The following SMOC1 variants were observed in gnomAD, a reference collection of about 807,000 sequenced individuals.
The protein encoded by SMOC1 is SPARC-related modular calcium-binding protein 1.
SMOC1 carries 22 observed loss-of-function variants against 56.3 expected under a neutral mutation model. That is an observed-to-expected ratio of 0.39 (90% CI 0.28 to 0.56). The LOEUF (loss-of-function observed/expected upper bound fraction) is 0.56, where lower values mean the gene tolerates loss of function less well. SMOC1 is among the 20% of genes least tolerant of loss of function. The pLI is 0.61. For missense variants in SMOC1, 509 were observed against 565.4 expected (o/e 0.90, Z 1.01); for synonymous variants, 193 against 215.0 (o/e 0.90, Z 0.89).
At chr14:70,022,589 C>T (rs1216784671) in intron 10 of SMOC1, among the ~76,000 whole-genome samples, 1 of 152,252 alleles carries the variant, frequency 6.6e-6, no homozygotes, top group Non-Finnish European at 1.5e-5. Flanking sequence ...TTTCTTCTCT[C>T]AATTCCCACT....
intron 1 of SMOC1, among the ~76,000 whole-genome samples, chr14:69,944,082 G>A (rs1177874635): frequency 6.6e-6 from 1 of 152,242 alleles, no homozygotes; most frequent in African/African-American, 2.4e-5. Context: ...TTGATTAAAT[G>A]CCTCATCTGG....
chr14:69,882,991 A>C (rs1203212920), intron 1 of SMOC1, among the ~76,000 whole-genome samples: 2 of 152,328 alleles, frequency 1.3e-5, no homozygotes, highest in African/African-American at 4.8e-5. Flanking sequence ...TGAGTCAGAA[A>C]TGGATTTTTA....
chr14:70,008,350 G>C (rs1243052891), intron 7 of SMOC1, among the ~76,000 whole-genome samples: 2 of 152,086 alleles, frequency 1.3e-5, no homozygotes, highest in African/African-American at 2.4e-5. Flanking sequence ...ATGTTACCCA[G>C]GCTGGTCTCA....
intron 4 of SMOC1, among the ~76,000 whole-genome samples, chr14:69,977,368 T>C (rs192024): frequency 0.53 from 80,666 of 152,156 alleles, 22,768 homozygotes; most frequent in African/African-American, 0.72. Flanking sequence ...CAGGCTGTGC[T>C]TAGAAAATTG....
At chr14:69,918,850 T>A (rs1884756097) in intron 1 of SMOC1, among the ~76,000 whole-genome samples, 1 of 152,188 alleles carries the variant, frequency 6.6e-6, no homozygotes, top group East Asian at 1.9e-4. Flanking sequence ...CCCTTCTGAC[T>A]TGTAGTGTCC....
chr14:69,909,881 C>T (rs925967110), intron 1 of SMOC1, among the ~76,000 whole-genome samples: 10 of 152,158 alleles, frequency 6.6e-5, no homozygotes, highest in Non-Finnish European at 1.5e-5. Flanking sequence ...GTTTTTGGGT[C>T]TAGCACTCCC....
intron 1 of SMOC1, among the ~76,000 whole-genome samples, chr14:69,891,377 A>G (rs1883954960): frequency 6.6e-6 from 1 of 152,236 alleles, no homozygotes; most frequent in Non-Finnish European, 1.5e-5. Context: ...AATACATTAT[A>G]CATTTTTCAT....
chr14:69,922,059 C>T (rs1329588652), intron 1 of SMOC1, among the ~76,000 whole-genome samples: 2 of 152,232 alleles, frequency 1.3e-5, no homozygotes, highest in African/African-American at 4.8e-5. Context: ...AGTGAGTGGG[C>T]TTCAGACTCC....
intron 10 of SMOC1, among the ~76,000 whole-genome samples, chr14:70,022,442 T>G (rs1315163560): frequency 1.3e-5 from 2 of 152,238 alleles, no homozygotes; most frequent in African/African-American, 2.4e-5. Flanking sequence ...CAGAATCACC[T>G]GGCAGTGCTG....
intron 3 of SMOC1, among the ~76,000 whole-genome samples, chr14:69,967,796 C>G (rs1883625179): frequency 6.6e-6 from 1 of 152,118 alleles, no homozygotes; most frequent in Non-Finnish European, 1.5e-5. Flanking sequence ...GGTATTTACA[C>G]TGAGGTCTTT....
intron 3 of SMOC1, among the ~76,000 whole-genome samples, chr14:69,968,586 G>A (rs1883652770): frequency 6.6e-6 from 1 of 152,178 alleles, no homozygotes; most frequent in Non-Finnish European, 1.5e-5. Context: ...GCCATCAGTA[G>A]GACCAACAGC....
intron 5 of SMOC1, among the ~76,000 whole-genome samples, chr14:69,978,337 CTTG>C (rs1244834816): frequency 1.3e-5 from 2 of 152,180 alleles, no homozygotes; most frequent in African/African-American, 2.4e-5. Flanking sequence ...CCTTGGCTCT[CTTG>C]TTGTGTAAGC....
At chr14:69,997,732 A>T (rs1414072172) in intron 7 of SMOC1, among the ~76,000 whole-genome samples, 1 of 152,192 alleles carries the variant, frequency 6.6e-6, no homozygotes, top group Non-Finnish European at 1.5e-5. Flanking sequence ...GAGAAGTCAG[A>T]TATACCTTAA....
chr14:69,881,840 C>G (rs749014512), intron 1 of SMOC1, among the ~76,000 whole-genome samples: 1 of 152,108 alleles, frequency 6.6e-6, no homozygotes. Context: ...CTTACTCGAA[C>G]GAGAACAAGA....
chr14:69,938,313 G>T (rs1438121681), intron 1 of SMOC1, among the ~76,000 whole-genome samples: 3 of 152,158 alleles, frequency 2.0e-5, no homozygotes, highest in African/African-American at 7.2e-5. Context: ...TCGTGGGTGG[G>T]CTATGTTGAG....
chr14:69,960,045 C>T lies in SMOC1; in HGVS notation c.378+6513C>T, dbSNP rs113454650. Among the ~76,000 whole-genome samples, 546 of 152,194 alleles carry T rather than the reference C, an allele frequency of 3.6e-3. 5 individuals carry two copies. The Middle Eastern group carries it at 0.048, about 13-fold the overall frequency. On this transcript the variant is annotated intron_variant, in intron 3 of 11. Coordinates refer to ENST00000361956, the MANE Select transcript of SMOC1 (RefSeq NM_001034852.3). ...TTGCCCTGGGAACACCTTGGTTTAC[C>T]GTCTGGTTTTTCTTCTTTCACATTC...
intron 3 of SMOC1, among the ~76,000 whole-genome samples, chr14:69,961,865 C>G (rs779356433): frequency 5.9e-5 from 9 of 152,124 alleles, no homozygotes; most frequent in Non-Finnish European, 1.3e-4. Flanking sequence ...ATTTTACATT[C>G]CCACCGGCAA....
chr14:69,895,202 C>CT lies in SMOC1; in HGVS notation c.99+15427dup, dbSNP rs528669289. ...ACCAAAACCTCAGAACATGTGGAAT[C>CT]TTCCCCGTCCTTGCCACCTGACTAT... On this transcript the variant is annotated intron_variant, in intron 1 of 11. Coordinates refer to ENST00000361956, the MANE Select transcript of SMOC1 (RefSeq NM_001034852.3). Among the ~76,000 whole-genome samples, 24 of 152,336 alleles carry CT rather than the reference C, an allele frequency of 1.6e-4. No homozygotes were observed. In the South Asian group the frequency reaches 5.0e-3, roughly 32 times the overall value.
At chr14:69,961,471 C>T (rs1387502147) in intron 3 of SMOC1, among the ~76,000 whole-genome samples, 1 of 151,778 alleles carries the variant, frequency 6.6e-6, no homozygotes, top group Non-Finnish European at 1.5e-5. Flanking sequence ...ACCTCCACCT[C>T]CTGGTCTCAA....
Sources: gnomAD v4.1 joint callset for allele counts (sites outside exome capture counted in the v4.1 genomes callset) on GRCh38, gnomAD v4.1.1 for gene constraint, MANE v1.5 for transcripts, NCBI Gene and HGNC (gene_info 2026-07-23, HGNC 2026-07-21) for gene names.